AGBL1: variants seen among roughly 807,000 people sequenced by gnomAD.
AGBL1 encodes cytosolic carboxypeptidase 4.
A neutral mutation model predicts 118.9 loss-of-function variants in AGBL1; 130 were observed. The observed-to-expected ratio is 1.09, with a 90% CI of 0.95 to 1.26. The LOEUF (loss-of-function observed/expected upper bound fraction) is 1.26. Ranked by LOEUF, AGBL1 falls within the 50% of genes most tolerant of loss-of-function variation. The probability of loss-of-function intolerance (pLI) is 0.00; values close to 1 mark genes in which losing one functional copy is unlikely to be tolerated. For synonymous variants in AGBL1, 555 were observed against 478.9 expected (o/e 1.16, Z -2.08); for missense variants, 1,584 against 1,298.1 (o/e 1.22, Z -3.38).
At chr15:87,010,452 C>A (rs1045643262) in intron 24 of AGBL1, among the ~76,000 whole-genome samples, 1 of 152,144 alleles carries the variant, frequency 6.6e-6, no homozygotes, top group Non-Finnish European at 1.5e-5. Flanking sequence ...ATACACCACC[C>A]AACATGGATG....
chr15:86,909,536 T>C lies in AGBL1; in HGVS notation c.*2242T>C, dbSNP rs1237799305. ...TCTTTTCCAAGTTTCCATTTTGTAG[T>C]TCAGAAATTGTATATCCATTCTTCA... On this transcript the variant is annotated 3_prime_UTR_variant, in exon 23 of 23. Coordinates refer to ENST00000614907, the MANE Select transcript of AGBL1 (RefSeq NM_001386094.1). 2 of 152,224 alleles carry C rather than the reference T, an allele frequency of 1.3e-5. No individual in the cohort carries two copies. The highest frequency in any genetic ancestry group is 2.9e-5 in the Non-Finnish European group (2 of 68,046). 9.4% of individuals were successfully genotyped at this position (152,224 alleles called of 1,614,324 possible).
In AGBL1 at chr15:86,376,156, C is replaced by T. The variant is rs538985073; in HGVS notation, c.2375-21210C>T. 5.9e-5 allele frequency among the ~76,000 whole-genome samples: 9 copies of T among 152,256 alleles called. No homozygotes were observed. In the East Asian group the frequency reaches 1.7e-3, roughly 29 times the overall value. ...CTGACAAGTTAGAGACTCAATGGGA[C>T]AAAGGAGAAAGATGTCAGAAGGATG... is the stretch of plus-strand genomic sequence containing the variant. On this transcript the variant is annotated intron_variant, in intron 17 of 22. Coordinates refer to ENST00000614907, the MANE Select transcript of AGBL1 (RefSeq NM_001386094.1).
At chr15:86,930,828 T>C (rs1317788223) in intron 23 of AGBL1, among the ~76,000 whole-genome samples, 2 of 152,116 alleles carry the variant, frequency 1.3e-5, no homozygotes, top group Non-Finnish European at 2.9e-5. Context: ...CACATAAAAG[T>C]AAATGAGCAA....
chr15:86,200,169 AT>A (rs1345725126), intron 5 of AGBL1, among the ~76,000 whole-genome samples: 7 of 152,262 alleles, frequency 4.6e-5, no homozygotes, highest in Non-Finnish European at 2.9e-5. Flanking sequence ...TTTTAAAATT[AT>A]GACAATTTAA....
chr15:86,679,693 T>C (rs779032705), intron 22 of AGBL1, among the ~76,000 whole-genome samples: 1 of 152,142 alleles, frequency 6.6e-6, no homozygotes, highest in African/African-American at 2.4e-5. Context: ...CTTGGTTTGA[T>C]ATTAATATTT....
intron 5 of AGBL1, among the ~76,000 whole-genome samples, chr15:86,216,257 C>A (rs376690278): frequency 9.3e-6 from 1 of 108,080 alleles, no homozygotes; most frequent in African/African-American, 3.7e-5. Flanking sequence ...TTTATTTATT[C>A]ATTTATGCTT....
At chr15:86,727,903 T>A (rs1177038771) in intron 22 of AGBL1, among the ~76,000 whole-genome samples, 2 of 152,204 alleles carry the variant, frequency 1.3e-5, no homozygotes, top group Non-Finnish European at 2.9e-5. Context: ...ACAGGTGCAG[T>A]TAAGATGAAG....
At chr15:86,734,123 G>T (rs532751454) in intron 22 of AGBL1, among the ~76,000 whole-genome samples, 4 of 152,094 alleles carry the variant, frequency 2.6e-5, no homozygotes, top group Non-Finnish European at 5.9e-5. Flanking sequence ...AAATGATCAG[G>T]CTATAAGCAA....
intron 22 of AGBL1, among the ~76,000 whole-genome samples, chr15:86,765,461 G>A (rs966931101): frequency 6.6e-6 from 1 of 151,876 alleles, no homozygotes; most frequent in African/African-American, 2.4e-5. Flanking sequence ...GGCAGGAAAG[G>A]GCACCCACTT....
intron 18 of AGBL1, among the ~76,000 whole-genome samples, chr15:86,421,235 G>T (rs2081785531): frequency 6.6e-6 from 1 of 152,182 alleles, no homozygotes; most frequent in South Asian, 2.1e-4. Context: ...TACCCATAAA[G>T]GGAAACCATC....
chr15:86,548,589 T>A (rs1223556143), intron 20 of AGBL1, among the ~76,000 whole-genome samples: 2 of 151,784 alleles, frequency 1.3e-5, no homozygotes, highest in African/African-American at 4.8e-5. Flanking sequence ...GGGCTGCTCC[T>A]GACACCACTC....
intron 22 of AGBL1, among the ~76,000 whole-genome samples, chr15:86,845,280 A>T (rs569052518): frequency 6.6e-6 from 1 of 152,196 alleles, no homozygotes; most frequent in African/African-American, 2.4e-5. Context: ...TTAATACATG[A>T]ATAAGGGTGG....
chr15:86,664,081 T>G (rs927577684), intron 21 of AGBL1, among the ~76,000 whole-genome samples: 2 of 152,190 alleles, frequency 1.3e-5, no homozygotes, highest in Non-Finnish European at 2.9e-5. Flanking sequence ...AGCCCACACC[T>G]TCAACCCTGC....
chr15:86,706,666 GC>G (rs1421689331), intron 22 of AGBL1, among the ~76,000 whole-genome samples: 1 of 152,128 alleles, frequency 6.6e-6, no homozygotes, highest in Non-Finnish European at 1.5e-5. Flanking sequence ...TAACACAGTT[GC>G]CTAACACCAT....
At chr15:86,677,874 T>C (rs1181953226) in intron 22 of AGBL1, among the ~76,000 whole-genome samples, 1 of 152,198 alleles carries the variant, frequency 6.6e-6, no homozygotes, top group Non-Finnish European at 1.5e-5. Flanking sequence ...TTCTTTTGAA[T>C]GAGAAAATGA....
intron 21 of AGBL1, among the ~76,000 whole-genome samples, chr15:86,591,605 G>A (rs115800852): frequency 0.015 from 2,239 of 152,250 alleles, 51 homozygotes; most frequent in African/African-American, 0.051. Flanking sequence ...ATGAAGAGAT[G>A]CATAGGGTGA....
At position 86,155,168 on chromosome 15, in the gene AGBL1, C is replaced by T. The variant is rs913702480; in HGVS notation, c.394+607C>T. On this transcript the variant is annotated intron_variant, in intron 4 of 22. Coordinates refer to ENST00000614907, the MANE Select transcript of AGBL1 (RefSeq NM_001386094.1). ...TAATTTTATAGTTTTGAAAAAGAAA[C>T]TTTAAAGAGTAAAGCAGGGCCAGGC... 1.3e-4 allele frequency among the ~76,000 whole-genome samples: 20 copies of T among 152,102 alleles called. No homozygotes were observed. In the East Asian group the frequency reaches 1.4e-3, roughly 10 times the overall value.
chr15:86,430,524 CTT>C (rs1156422087), intron 18 of AGBL1, among the ~76,000 whole-genome samples: 2 of 150,008 alleles, frequency 1.3e-5, no homozygotes, highest in Non-Finnish European at 3.0e-5. Flanking sequence ...GTGTGTGTAA[CTT>C]TTGCCAAGTG....
intron 18 of AGBL1, among the ~76,000 whole-genome samples, chr15:86,435,492 G>A (rs925977014): frequency 6.6e-6 from 1 of 152,166 alleles, no homozygotes; most frequent in African/African-American, 2.4e-5. Flanking sequence ...AGCCATGAAA[G>A]GTGCTCCATT....
Sources: allele counts gnomAD v4.1 joint callset (sites outside exome capture counted in the v4.1 genomes callset), GRCh38; gene constraint gnomAD v4.1.1; transcripts MANE v1.5; gene names NCBI Gene and HGNC (gene_info 2026-07-23, HGNC 2026-07-21).